Variants in ZBBX observed in about 807,000 individuals in gnomAD.
The protein encoded by ZBBX is zinc finger B-box domain containing.
ZBBX carries 101 observed loss-of-function variants against 108.5 expected under a neutral mutation model. That is an observed-to-expected ratio of 0.93 (90% CI 0.79 to 1.10). The LOEUF is 1.10. Among genes scored for constraint, ZBBX ranks in the 50% least tolerant of loss-of-function variants. ZBBX has a pLI of 0.00. For synonymous variants in ZBBX, 356 were observed against 323.4 expected (o/e 1.10, Z -1.08); for missense variants, 1,009 against 941.4 (o/e 1.07, Z -0.94).
intron 12 of ZBBX, among the ~76,000 whole-genome samples, chr3:167,320,025 CGT>C (rs142377617): frequency 8.7e-5 from 13 of 149,508 alleles, no homozygotes; most frequent in Admixed American, 6.7e-5. Context: ...TGTGCACGCA[CGT>C]GTGTGTGTGT....
chr3:167,290,787 T>C (rs1330211335), intron 18 of ZBBX, among the ~76,000 whole-genome samples: 4 of 152,098 alleles, frequency 2.6e-5, no homozygotes, highest in Admixed American at 6.5e-5. Flanking sequence ...TCTAACCCAA[T>C]GCAAGGAAGC....
intron 1 of ZBBX, among the ~76,000 whole-genome samples, chr3:167,399,913 G>A (rs771619279): frequency 2.6e-5 from 4 of 151,992 alleles, no homozygotes; most frequent in Non-Finnish European, 5.9e-5. Context: ...GTGTGTCCAT[G>A]TGTACTCAGT....
intron 1 of ZBBX, among the ~76,000 whole-genome samples, chr3:167,391,545 A>G (rs911598566): frequency 1.3e-5 from 2 of 151,896 alleles, no homozygotes; most frequent in Non-Finnish European, 2.9e-5. Flanking sequence ...GTTTGGAATA[A>G]TTTCAGAAGG....
In ZBBX at chr3:167,372,896, G is replaced by A. The variant is rs1746364732; in HGVS notation, c.6C>T (p.Asn2=). The A allele has an allele frequency of 1.3e-6, 2 of 1,599,872 alleles. No homozygotes were observed. Among genetic ancestry groups the A allele is most frequent in the South Asian group, 2.3e-5 (2 of 88,332 alleles). Residue 2 remains asparagine, a synonymous_variant, in exon 4 of 22, where the codon AAC becomes AAT. Transcript: ENST00000675490. M[N]RKDFVVLPWG... The stretch of plus-strand genomic sequence containing the variant: ...ATGGAAGAACTACAAAATCTTTTCT[G>A]TTCATGATTACCACCTTAATATTGT...
intron 20 of ZBBX, among the ~76,000 whole-genome samples, chr3:167,250,668 C>T (rs1433771864): frequency 2.0e-5 from 3 of 152,058 alleles, no homozygotes; most frequent in Non-Finnish European, 4.4e-5. Context: ...CAGAACAATG[C>T]CCCCTGTCAG....
the ZBBX span, among the ~76,000 whole-genome samples, chr3:167,193,424 AG>A: frequency 3.9e-5 from 6 of 152,162 alleles, no homozygotes; most frequent in African/African-American, 1.2e-4. Flanking sequence ...CAGAGATTTC[AG>A]GGTTAGAGAT....
At chr3:167,351,639 A>G (rs935490226) in intron 8 of ZBBX, among the ~76,000 whole-genome samples, 1 of 152,158 alleles carries the variant, frequency 6.6e-6, no homozygotes, top group African/African-American at 2.4e-5. Flanking sequence ...AGGTGCCTGG[A>G]TATCACACAG....
chr3:167,301,366 T>C (rs1732640115), intron 17 of ZBBX, among the ~76,000 whole-genome samples: 1 of 152,202 alleles, frequency 6.6e-6, no homozygotes, highest in African/African-American at 2.4e-5. Context: ...CCTGAGAAAG[T>C]GGATTGGATA....
chr3:167,217,112 A>C, the ZBBX span, among the ~76,000 whole-genome samples: 1 of 152,236 alleles, frequency 6.6e-6, no homozygotes, highest in African/African-American at 2.4e-5. Flanking sequence ...AAAAGCAAAA[A>C]TTGACAAGTG....
chr3:167,219,822 T>C, the ZBBX span, among the ~76,000 whole-genome samples: 1 of 151,820 alleles, frequency 6.6e-6, no homozygotes. Context: ...GAATGAAAAA[T>C]TGTTTATTAA....
At chr3:167,212,080 G>T in the ZBBX span, among the ~76,000 whole-genome samples, 2 of 151,934 alleles carry the variant, frequency 1.3e-5, no homozygotes, top group Non-Finnish European at 2.9e-5. Flanking sequence ...GGTGACTTTG[G>T]GCCAACAACA....
intron 20 of ZBBX, among the ~76,000 whole-genome samples, chr3:167,277,693 G>A (rs1261468990): frequency 1.2e-4 from 19 of 152,056 alleles, no homozygotes; most frequent in Non-Finnish European, 4.4e-5. Context: ...AGATCAACGA[G>A]ACAGAAAGTC....
intron 10 of ZBBX, among the ~76,000 whole-genome samples, chr3:167,329,283 C>T (rs758475255): frequency 6.6e-5 from 10 of 152,186 alleles, no homozygotes; most frequent in African/African-American, 2.4e-4. Flanking sequence ...GGATTACCTA[C>T]ACTGGTCAAA....
chr3:167,202,410 T>C, the ZBBX span, among the ~76,000 whole-genome samples: 1 of 152,164 alleles, frequency 6.6e-6, no homozygotes, highest in East Asian at 1.9e-4. Flanking sequence ...TCTGTGATTT[T>C]GTTTTAAAAT....
At chr3:167,348,368 G>GAAAGAAAGAAAGA (rs1431515037) in intron 9 of ZBBX, among the ~76,000 whole-genome samples, 9 of 111,660 alleles carry the variant, frequency 8.1e-5, no homozygotes, top group South Asian at 5.7e-4. Flanking sequence ...AAGAAAGAAA[G>GAAAGAAAGAAAGA]AAAAAAAAGA....
intron 1 of ZBBX, among the ~76,000 whole-genome samples, chr3:167,404,651 T>C (rs1202142448): frequency 6.6e-6 from 1 of 152,166 alleles, no homozygotes; most frequent in Admixed American, 6.5e-5. Flanking sequence ...ATTATACAAA[T>C]GTAAGTTTCT....
chr3:167,247,476 C>T (rs530732017), intron 20 of ZBBX, among the ~76,000 whole-genome samples: 3 of 152,178 alleles, frequency 2.0e-5, no homozygotes, highest in East Asian at 3.9e-4. Context: ...CACGTGTGAT[C>T]CAATTCTTCT....
rs150382168 is a variant in ZBBX at position 167,271,199 on chromosome 3, A to C, written c.2254+11039T>G. Among the ~76,000 whole-genome samples the C allele has an allele frequency of 3.8e-5, 5 of 132,562 alleles. No homozygotes were observed. In the East Asian group the frequency reaches 8.0e-4, roughly 21 times the overall value. 87.0% of individuals were successfully genotyped at this position (132,562 alleles called of 152,430 possible). ...GGCCCATACATTTGGAAAAATTTGGACTAAACAAGGTCTTATTAATAGCAA... is the reference window on the plus strand; with the variant it reads ...GGCCCATACATTTGGAAAAATTTGGCCTAAACAAGGTCTTATTAATAGCAA... On this transcript the variant is annotated intron_variant, in intron 20 of 21. Transcript: ENST00000675490.
At chr3:167,300,514 G>A (rs906738384) in intron 17 of ZBBX, among the ~76,000 whole-genome samples, 1 of 151,770 alleles carries the variant, frequency 6.6e-6, no homozygotes, top group Admixed American at 6.6e-5. Context: ...ATTTTACACT[G>A]AGCAATATTT....
Sources: allele counts gnomAD v4.1 joint callset (sites outside exome capture counted in the v4.1 genomes callset), GRCh38; gene constraint gnomAD v4.1.1; transcripts MANE v1.5; gene names NCBI Gene and HGNC (gene_info 2026-07-23, HGNC 2026-07-21).